ZNF550: variants seen among roughly 807,000 people sequenced by gnomAD.
ZNF550 encodes the protein zinc finger protein 550.
Under a neutral mutation model 40.2 loss-of-function variants are expected in ZNF550, and 42 were observed. The observed-to-expected ratio is 1.05, with a 90% CI of 0.82 to 1.35. The LOEUF (loss-of-function observed/expected upper bound fraction) is 1.35. ZNF550 is among the 40% of genes most tolerant of loss of function. The probability of loss-of-function intolerance (pLI) is 0.00; values close to 1 mark genes in which losing one functional copy is unlikely to be tolerated. For synonymous variants in ZNF550, 223 were observed against 198.6 expected (o/e 1.12, Z -1.03); for missense variants, 549 against 525.2 (o/e 1.05, Z -0.44).
upstream of ZNF550, among the ~76,000 whole-genome samples, chr19:57,560,111 G>T (rs1165025349): frequency 6.6e-6 from 1 of 152,172 alleles, no homozygotes; most frequent in East Asian, 1.9e-4. Context: ...ACTCGCCCAG[G>T]CACCCAGGTA....
chr19:57,542,850 C>T (rs2089973339), exon 5 of ZNF550: 1 of 152,176 alleles, frequency 6.6e-6, no homozygotes, highest in Non-Finnish European at 1.5e-5. Context: ...TCTAAGGACA[C>T]AGTCATAGTC....
chr19:57,554,383 A>G lies in ZNF550; in HGVS notation c.155-1661T>C, dbSNP rs1223768350. On this transcript the variant is annotated intron_variant, in intron 2 of 4. Transcript: ENST00000457177. This position sits in a 1 kb window ranked among gnomAD's most constrained non-coding sequence, Gnocchi z 4.5. Reference sequence around the variant, plus strand: ...ATGAGGAGCCAGCCTGAGGACAATCAGAAGCCTGAACCAAGAAGAAGGAAC... The same window carrying G: ...ATGAGGAGCCAGCCTGAGGACAATCGGAAGCCTGAACCAAGAAGAAGGAAC... 6.6e-6 allele frequency: 1 copy of G among 152,266 alleles called. No individual in the cohort carries two copies. The highest frequency in any genetic ancestry group is 1.5e-5 in the Non-Finnish European group (1 of 68,084). The allele number at this position is 152,266 out of a possible 1,614,324, so 9.4% of individuals were successfully genotyped here. A position where few individuals can be genotyped will look rare whatever the true frequency, so the allele number is the denominator to read the frequency against.
chr19:57,552,985 G>A (rs2090086841), intron 2 of ZNF550: 2 of 389,086 alleles, frequency 5.1e-6, no homozygotes, highest in African/African-American at 2.0e-5. Flanking sequence ...AATTAAATGA[G>A]GCCACAAGGG....
In ZNF550 at chr19:57,548,037, A is replaced by C. The variant is rs201040945; in HGVS notation, c.251-44T>G. Reference sequence around the variant, plus strand: ...CAAAGGAGGGGTCTTTTAGTGATAAAATATAGAAAAACACAAAATAACCAC... The same window carrying C: ...CAAAGGAGGGGTCTTTTAGTGATAACATATAGAAAAACACAAAATAACCAC... On this transcript the variant is annotated intron_variant, in intron 3 of 4. Transcript: ENST00000457177. 3.3e-6 allele frequency: 5 copies of C among 1,535,052 alleles called. No individual in the cohort carries two copies. The Admixed American group carries it at 7.8e-5, about 24-fold the overall frequency.
intron 4 of ZNF550, chr19:57,544,626 CTATTTA>C (rs1291010960): frequency 2.3e-5 from 23 of 984,946 alleles, no homozygotes; most frequent in Non-Finnish European, 2.7e-5. Flanking sequence ...ACCAAGAATT[CTATTTA>C]TAATATGTGC....
intron 1 of ZNF550, among the ~76,000 whole-genome samples, chr19:57,559,219 G>GAC (rs371517426): frequency 1.2e-4 from 19 of 152,302 alleles, no homozygotes; most frequent in African/African-American, 4.3e-4. Context: ...CACTGAGACG[G>GAC]ACACACACAC....
intron 3 of ZNF550, among the ~76,000 whole-genome samples, chr19:57,551,767 A>G (rs1224314852): frequency 1.3e-5 from 2 of 152,212 alleles, no homozygotes; most frequent in African/African-American, 4.8e-5. Context: ...CAGTGGTGAT[A>G]CAAATCCACA....
intron 1 of ZNF550, among the ~76,000 whole-genome samples, chr19:57,559,386 G>A (rs1247764429): frequency 6.6e-6 from 1 of 152,170 alleles, no homozygotes; most frequent in Non-Finnish European, 1.5e-5. Context: ...CCACGAGGAG[G>A]ACTGCGGTCG....
At chr19:57,552,693 G>T (rs746696490) in exon 3 of ZNF550, 1 of 1,598,314 alleles carries the variant, frequency 6.3e-7, no homozygotes, top group Non-Finnish European at 8.5e-7. Flanking sequence ...TCTAGCAGGT[G>T]GACCAACTCT....
At chr19:57,548,387 C>CT (rs1316684335) in intron 3 of ZNF550, among the ~76,000 whole-genome samples, 1 of 152,120 alleles carries the variant, frequency 6.6e-6, no homozygotes, top group East Asian at 1.9e-4. Context: ...AGGAAAAAAT[C>CT]TAAGAATCTG....
At chr19:57,559,302 C>T (rs1013543139) in intron 1 of ZNF550, among the ~76,000 whole-genome samples, 1 of 152,018 alleles carries the variant, frequency 6.6e-6, no homozygotes, top group African/African-American at 2.4e-5. Flanking sequence ...TTTGCGCGCG[C>T]AAAAATGAAG....
upstream of ZNF550, chr19:57,559,874 C>G (rs963142034): frequency 6.6e-6 from 3 of 452,656 alleles, no homozygotes; most frequent in Non-Finnish European, 1.1e-5. Context: ...GCCCCTGTGT[C>G]GCGGTCGCCT....
exon 4 of ZNF550, chr19:57,547,230 A>C (rs771145259): frequency 1.4e-4 from 218 of 1,613,982 alleles, no homozygotes; most frequent in Non-Finnish European, 1.7e-4. Context: ...GCTTCTCTCC[A>C]GTGTGGATGA....
intron 3 of ZNF550, among the ~76,000 whole-genome samples, chr19:57,548,700 A>G (rs2090046457): frequency 6.6e-6 from 1 of 152,224 alleles, no homozygotes; most frequent in Admixed American, 6.5e-5. Flanking sequence ...TAGAGCCACC[A>G]TATGATCCAG....
intron 3 of ZNF550, 105 bp downstream of exon 3, chr19:57,552,522 G>A (rs539700268): frequency 1.6e-5 from 14 of 882,634 alleles, no homozygotes; most frequent in African/African-American, 3.3e-5. Flanking sequence ...CCAGGCCCCC[G>A]GAAAGCCACA....
At chr19:57,555,922 G>A in intron 2 of ZNF550, 2 of 359,944 alleles carry the variant, frequency 5.6e-6, no homozygotes, top group South Asian at 4.8e-5. Context: ...TCTAAGAACA[G>A]CCCATCACCC....
At chr19:57,544,004 A>G in intron 4 of ZNF550, 2 of 985,446 alleles carry the variant, frequency 2.0e-6, no homozygotes, top group South Asian at 4.7e-5. Flanking sequence ...GAAGTTCACA[A>G]CTTTTACTGT....
chr19:57,547,838 G>A lies in ZNF550; in HGVS notation c.406C>T (p.Gln136Ter), dbSNP rs1568597681. 18 of 1,614,088 alleles carry A rather than the reference G, an allele frequency of 1.1e-5. No individual in the cohort carries two copies. The highest frequency in any genetic ancestry group is 1.4e-5 in the Non-Finnish European group (16 of 1,180,024). Residue 136 changes from glutamine to a stop codon, truncating the protein, a stop_gained, in exon 4 of 5, where the codon CAG becomes TAG. Transcript: ENST00000457177. LOFTEE classifies it high-confidence loss of function. ...GTCTCCGGTGTCACTTTACCTTTCT[G>A]CATTTCCAAAAGCCCTTCCTCATCC...
chr19:57,547,673 C>T (rs1363335180), exon 4 of ZNF550: 1 of 1,614,066 alleles, frequency 6.2e-7, no homozygotes, highest in Admixed American at 1.7e-5. Context: ...GCGTCTTTCC[C>T]TGGTTGCTGT....
Sources: allele counts gnomAD v4.1 joint callset (sites outside exome capture counted in the v4.1 genomes callset), GRCh38; gene constraint gnomAD v4.1.1; non-coding constraint Gnocchi (gnomAD v3.1); transcripts MANE v1.5; gene names NCBI Gene and HGNC (gene_info 2026-07-23, HGNC 2026-07-21).